GMDS: variants seen among roughly 807,000 people sequenced by gnomAD.
GMDS encodes GDP-mannose 4,6 dehydratase.
Under a neutral mutation model 49.9 loss-of-function variants are expected in GMDS, and 20 were observed. That is an observed-to-expected ratio of 0.40 (90% CI 0.28 to 0.58). GMDS has a LOEUF of 0.58. GMDS is among the 20% of genes least tolerant of loss of function. The pLI, the probability that GMDS is intolerant of heterozygous loss-of-function variation, is 0.42. For missense variants in GMDS, 362 were observed against 481.4 expected, an observed-to-expected ratio of 0.75 and a Z score of 2.32; for synonymous variants, 177 against 178.6, an observed-to-expected ratio of 0.99 and a Z score of 0.07.
intron 1 of GMDS, among the ~76,000 whole-genome samples, chr6:2,184,297 G>A (rs1015967669): frequency 6.6e-6 from 1 of 152,106 alleles, no homozygotes; most frequent in Non-Finnish European, 1.5e-5. Context: ...AACCACACGT[G>A]AGACACCACT....
intron 4 of GMDS, among the ~76,000 whole-genome samples, chr6:2,114,772 A>G (rs1774747936): frequency 6.6e-6 from 1 of 152,140 alleles, no homozygotes; most frequent in African/African-American, 2.4e-5. Flanking sequence ...TTCTCTCACC[A>G]TGTTCTCCAC....
At chr6:2,240,384 T>C (rs376892167) in intron 1 of GMDS, among the ~76,000 whole-genome samples, 1 of 152,184 alleles carries the variant, frequency 6.6e-6, no homozygotes, top group African/African-American at 2.4e-5. Flanking sequence ...TTATTTCCTA[T>C]TTGATAAGAA....
At chr6:2,162,627 A>C (rs1777456473) in intron 1 of GMDS, among the ~76,000 whole-genome samples, 1 of 151,768 alleles carries the variant, frequency 6.6e-6, no homozygotes, top group Admixed American at 6.6e-5. Context: ...TTCAAATAAT[A>C]GAATAAAAAT....
At chr6:1,898,521 C>A (rs1760336851) in intron 7 of GMDS, among the ~76,000 whole-genome samples, 1 of 152,132 alleles carries the variant, frequency 6.6e-6, no homozygotes, top group Non-Finnish European at 1.5e-5. Context: ...TTCCACCCTC[C>A]TTGTTTGGAG....
intron 1 of GMDS, among the ~76,000 whole-genome samples, chr6:2,197,229 G>C (rs1001226078): frequency 6.6e-6 from 1 of 152,154 alleles, no homozygotes; most frequent in Non-Finnish European, 1.5e-5. Context: ...AAGGCAAAGC[G>C]CTTCATGTCC....
At chr6:2,209,707 C>G (rs1393462866) in intron 1 of GMDS, among the ~76,000 whole-genome samples, 1 of 151,790 alleles carries the variant, frequency 6.6e-6, no homozygotes, top group Non-Finnish European at 1.5e-5. Flanking sequence ...CCTCTAGAAG[C>G]CAGTAAGTGG....
intron 9 of GMDS, among the ~76,000 whole-genome samples, chr6:1,629,890 A>C (rs182941185): frequency 6.6e-6 from 1 of 152,314 alleles, no homozygotes; most frequent in Admixed American, 6.5e-5. Context: ...CCCAGAAACC[A>C]GCGACAAAGT....
intron 7 of GMDS, among the ~76,000 whole-genome samples, chr6:1,869,214 G>T (rs760114095): frequency 2.3e-4 from 35 of 152,182 alleles, no homozygotes; most frequent in Non-Finnish European, 2.9e-4. Context: ...AGGTACATAA[G>T]GTCTCATACA....
chr6:1,997,803 C>T (rs996116559), intron 4 of GMDS, among the ~76,000 whole-genome samples: 1 of 152,134 alleles, frequency 6.6e-6, no homozygotes, highest in Non-Finnish European at 1.5e-5. Context: ...CAACTACCCA[C>T]ATTGATCAGT....
chr6:1,875,920 G>C (rs1277661307), intron 7 of GMDS, among the ~76,000 whole-genome samples: 1 of 151,712 alleles, frequency 6.6e-6, no homozygotes, highest in Non-Finnish European at 1.5e-5. Context: ...AGCTACTCTG[G>C]GGCAGAAGAA....
At chr6:2,211,718 A>T (rs1780070012) in intron 1 of GMDS, among the ~76,000 whole-genome samples, 1 of 152,230 alleles carries the variant, frequency 6.6e-6, no homozygotes, top group Non-Finnish European at 1.5e-5. Context: ...TCATGTTAGT[A>T]GTTTTTAAAT....
At chr6:1,999,841 A>G (rs1054373481) in intron 4 of GMDS, among the ~76,000 whole-genome samples, 11 of 135,568 alleles carry the variant, frequency 8.1e-5, no homozygotes, top group Non-Finnish European at 1.5e-4. Flanking sequence ...GCCATAGTTC[A>G]CACAGCTGTT....
chr6:1,783,085 G>A (rs1769177375), intron 7 of GMDS, among the ~76,000 whole-genome samples: 1 of 152,154 alleles, frequency 6.6e-6, no homozygotes, highest in Non-Finnish European at 1.5e-5. Context: ...AGCCTGGGAG[G>A]TCAAGGCTGT....
At chr6:2,226,642 T>G (rs781602060) in intron 1 of GMDS, among the ~76,000 whole-genome samples, 2 of 152,166 alleles carry the variant, frequency 1.3e-5, no homozygotes, top group African/African-American at 4.8e-5. Flanking sequence ...TTTAAGTGTT[T>G]GCATATAACA....
intron 8 of GMDS, among the ~76,000 whole-genome samples, chr6:1,733,881 G>A (rs765692456): frequency 1.7e-4 from 26 of 152,102 alleles, no homozygotes; most frequent in Non-Finnish European, 2.9e-4. Flanking sequence ...CCAGGGCTGA[G>A]TGGGGAGGCT....
At chr6:2,177,390 C>T (rs755370438) in intron 1 of GMDS, among the ~76,000 whole-genome samples, 25 of 151,918 alleles carry the variant, frequency 1.6e-4, no homozygotes, top group Admixed American at 7.9e-4. Context: ...AGAAAAACAA[C>T]GAAAAAATAA....
At chr6:1,842,103 C>T (rs1757176299) in intron 7 of GMDS, among the ~76,000 whole-genome samples, 1 of 152,162 alleles carries the variant, frequency 6.6e-6, no homozygotes, top group Admixed American at 6.5e-5. Flanking sequence ...TGTGTTCTCT[C>T]CCACTTCTGA....
chr6:1,834,596 T>C (rs924468030), intron 7 of GMDS, among the ~76,000 whole-genome samples: 1 of 152,224 alleles, frequency 6.6e-6, no homozygotes, highest in Non-Finnish European at 1.5e-5. Context: ...ACTTCTAAGT[T>C]AAATGCAAGA....
intron 7 of GMDS, among the ~76,000 whole-genome samples, chr6:1,786,300 A>G (rs1268059037): frequency 6.6e-6 from 1 of 152,272 alleles, no homozygotes; most frequent in Non-Finnish European, 1.5e-5. Context: ...GCAATGCCTC[A>G]GTAAAAAGCA....
Sources: allele counts gnomAD v4.1 joint callset (sites outside exome capture counted in the v4.1 genomes callset), GRCh38; gene constraint gnomAD v4.1.1; transcripts MANE v1.5; gene names NCBI Gene and HGNC (gene_info 2026-07-23, HGNC 2026-07-21).